The following KCNJ1 variants were observed in gnomAD, a reference collection of about 807,000 sequenced individuals.
KCNJ1 encodes the protein potassium inwardly rectifying channel subfamily J member 1.
In KCNJ1, 24 loss-of-function variants were observed where a neutral mutation model predicts 21.9. That is an observed-to-expected ratio of 1.10 (90% confidence interval 0.79 to 1.54). The LOEUF (loss-of-function observed/expected upper bound fraction) is 1.54, where lower values mean the gene tolerates loss of function less well. Ranked by LOEUF, KCNJ1 falls within the 40% of genes most tolerant of loss-of-function variation. The pLI is 0.00. For synonymous variants in KCNJ1, 152 were observed against 160.9 expected (o/e 0.94, Z 0.42); for missense variants, 457 against 455.4 (o/e 1.00, Z -0.03).
At chr11:128,864,398 G>T (rs1362444261) in intron 1 of KCNJ1, among the ~76,000 whole-genome samples, 1 of 151,740 alleles carries the variant, frequency 6.6e-6, no homozygotes, top group Non-Finnish European at 1.5e-5. Context: ...CTTTTCTAGG[G>T]GTCTATCTTT....
At chr11:128,857,502 C>T (rs558803580) in intron 1 of KCNJ1, among the ~76,000 whole-genome samples, 1 of 152,226 alleles carries the variant, frequency 6.6e-6, no homozygotes, top group Admixed American at 6.5e-5. Context: ...TCAGTGCCCT[C>T]CCCTGGGCTG....
intron 1 of KCNJ1, among the ~76,000 whole-genome samples, chr11:128,862,260 G>C (rs1245964142): frequency 6.6e-6 from 1 of 152,166 alleles, no homozygotes; most frequent in Non-Finnish European, 1.5e-5. Context: ...CCACTCTCTG[G>C]CAGCCTCCGT....
chr11:128,839,760 T>G lies in KCNJ1; in HGVS notation c.484A>C (p.Lys162Gln). The G allele has an allele frequency of 6.2e-7, 1 of 1,614,010 alleles. No individual in the cohort carries two copies. Among genetic ancestry groups the G allele is most frequent in the Non-Finnish European group, 8.5e-7 (1 of 1,180,034 alleles). ...NSFMCGAILA[K>Q]ISRPKKRAKT... The stretch of plus-strand genomic sequence containing the variant: ...GCACGTTTTTTGGGCCTGGAGATCT[T>G]GGCTAAGATGGCCCCACACATGAAA... Residue 162 changes from lysine (K) to glutamine (Q), a missense_variant, in exon 3 of 3, where the codon AAG becomes CAG. By Grantham distance (53) the Lys-to-Gln change is moderately conservative. Coordinates refer to ENST00000392666, the MANE Select transcript of KCNJ1 (RefSeq NM_153766.3).
intron 1 of KCNJ1, among the ~76,000 whole-genome samples, chr11:128,853,541 C>A (rs562531414): frequency 7.9e-5 from 12 of 152,234 alleles, no homozygotes; most frequent in African/African-American, 2.9e-4. Context: ...GCACCAGGTT[C>A]TTTTGGGGGT....
At position 128,839,632 on chromosome 11, in the gene KCNJ1, G is replaced by A; in HGVS notation, c.612C>T (p.Gly204=). 6.2e-7 allele frequency: 1 copy of A among 1,613,860 alleles called. No individual in the cohort carries two copies. The highest frequency in any genetic ancestry group is 8.5e-7 in the Non-Finnish European group (1 of 1,180,026). Residue 204 remains glycine, a synonymous_variant, in exon 3 of 3, where the codon GGC becomes GGT. Transcript: ENST00000392666. ...VANLRKSLLI[G]SHIYGKLLKT... ...TCAGAAGCTTTCCATAAATGTGACT[G>A]CCAATAAGAAGGCTCTTCCTGAGAT...
chr11:128,846,203 G>A (rs2135946309), intron 2 of KCNJ1, among the ~76,000 whole-genome samples: 1 of 152,252 alleles, frequency 6.6e-6, no homozygotes, highest in African/African-American at 2.4e-5. Context: ...CCACCCAAGA[G>A]TCAGGTGAGC....
intron 1 of KCNJ1, among the ~76,000 whole-genome samples, chr11:128,861,161 G>T (rs1943699935): frequency 1.3e-5 from 2 of 152,212 alleles, no homozygotes; most frequent in Admixed American, 1.3e-4. Context: ...CTGTGGTCTG[G>T]CTGTTGGCGT....
In KCNJ1 at chr11:128,850,850, C is replaced by T; in HGVS notation, c.-151G>A. On this transcript the variant is annotated 5_prime_UTR_variant, in exon 2 of 3. Coordinates refer to ENST00000392666, the MANE Select transcript of KCNJ1 (RefSeq NM_153766.3). Reference sequence around the variant, plus strand: ...TCAGAACTTGTCACACTGTCTTTGTCAGGGCCCAGGATGGGGATGAAGGCA... The same window carrying T: ...TCAGAACTTGTCACACTGTCTTTGTTAGGGCCCAGGATGGGGATGAAGGCA... 1.2e-5 allele frequency: 12 copies of T among 985,534 alleles called. No individual in the cohort carries two copies. Among genetic ancestry groups the T allele is most frequent in the Non-Finnish European group, 1.4e-5 (12 of 829,988 alleles). 61.0% of individuals were successfully genotyped at this position (985,534 alleles called of 1,614,324 possible).
At chr11:128,856,343 G>T (rs1943590776) in intron 1 of KCNJ1, among the ~76,000 whole-genome samples, 1 of 152,218 alleles carries the variant, frequency 6.6e-6, no homozygotes, top group Admixed American at 6.5e-5. Flanking sequence ...AGGCAACCAG[G>T]GCACAGGGCT....
intron 2 of KCNJ1, among the ~76,000 whole-genome samples, chr11:128,843,610 G>A (rs1943326552): frequency 6.6e-6 from 1 of 152,148 alleles, no homozygotes; most frequent in Non-Finnish European, 1.5e-5. Flanking sequence ...AGTCTAATGG[G>A]GAAGTGAACT....
chr11:128,850,258 C>T (rs1943460732), intron 2 of KCNJ1, among the ~76,000 whole-genome samples: 1 of 152,078 alleles, frequency 6.6e-6, no homozygotes. Flanking sequence ...ATGTCAGTTT[C>T]TCAAAGAAGG....
At chr11:128,850,536 A>G (rs581472) in intron 2 of KCNJ1, among the ~76,000 whole-genome samples, 185 bp downstream of exon 2, 66,264 of 152,064 alleles carry the variant, frequency 0.44, 15,458 homozygotes, top group African/African-American at 0.61. Context: ...CTGTGGAGAG[A>G]GCAATGCCAG....
In KCNJ1 at chr11:128,840,570, A is replaced by G. The variant is rs576371275; in HGVS notation, c.-21-306T>C. Reference sequence around the variant, plus strand: ...CTCAATTAGTCTCACACAACCTTAAATATGTTTGTAATAACCAATTATGAC... The same window carrying G: ...CTCAATTAGTCTCACACAACCTTAAGTATGTTTGTAATAACCAATTATGAC... On this transcript the variant is annotated intron_variant, in intron 2 of 2. Coordinates refer to ENST00000392666, the MANE Select transcript of KCNJ1 (RefSeq NM_153766.3). Among the ~76,000 whole-genome samples, 17 of 152,318 alleles carry G rather than the reference A, an allele frequency of 1.1e-4. No individual in the cohort carries two copies. The South Asian group carries it at 2.9e-3, about 26-fold the overall frequency.
At chr11:128,864,942 C>T (rs888945991) in intron 1 of KCNJ1, among the ~76,000 whole-genome samples, 3 of 152,028 alleles carry the variant, frequency 2.0e-5, no homozygotes, top group Admixed American at 6.6e-5. Context: ...GATCTTACCC[C>T]GGTTCTCACC....
intron 2 of KCNJ1, among the ~76,000 whole-genome samples, chr11:128,845,890 G>A (rs1943371648): frequency 6.6e-6 from 1 of 152,150 alleles, no homozygotes; most frequent in African/African-American, 2.4e-5. Flanking sequence ...TACAGCAAGG[G>A]CCTTCCTAGG....
chr11:128,852,504 A>G (rs1180410328), intron 1 of KCNJ1, among the ~76,000 whole-genome samples: 2 of 152,302 alleles, frequency 1.3e-5, no homozygotes, highest in African/African-American at 2.4e-5. Context: ...TCAGAGTTAC[A>G]TTAATGGAGC....
chr11:128,853,738 C>T (rs1430457351), intron 1 of KCNJ1, among the ~76,000 whole-genome samples: 1 of 152,208 alleles, frequency 6.6e-6, no homozygotes, highest in Non-Finnish European at 1.5e-5. Context: ...CCGACTTCCC[C>T]TCAACTCTCA....
Position 128,850,721 on chromosome 11 carries a change from C to G in KCNJ1, c.-22G>C. 23 of 985,126 alleles carry G rather than the reference C, an allele frequency of 2.3e-5. No individual in the cohort carries two copies. The highest frequency in any genetic ancestry group is 2.7e-5 in the Non-Finnish European group (22 of 829,644). 61.0% of individuals were successfully genotyped at this position (985,126 alleles called of 1,614,324 possible). On this transcript the variant is annotated splice_region_variant and 5_prime_UTR_variant, in exon 2 of 3. Coordinates refer to ENST00000392666, the MANE Select transcript of KCNJ1 (RefSeq NM_153766.3). ...GCTTATTGAAAATCAAGCCACTCAC[C>G]TCTGTCAGAAGAGGTTCAGGAGATG...
At chr11:128,859,023 G>A (rs1943647147) in intron 1 of KCNJ1, among the ~76,000 whole-genome samples, 1 of 152,194 alleles carries the variant, frequency 6.6e-6, no homozygotes, top group South Asian at 2.1e-4. Flanking sequence ...CACTCTACAG[G>A]ATTGGGGTTA....
Sources: gnomAD v4.1 joint callset for allele counts (sites outside exome capture counted in the v4.1 genomes callset) on GRCh38, gnomAD v4.1.1 for gene constraint, MANE v1.5 for transcripts, NCBI Gene and HGNC (gene_info 2026-07-23, HGNC 2026-07-21) for gene names.